Variants in SLC17A5 observed in about 807,000 individuals in gnomAD.
SLC17A5 encodes sialin.
SLC17A5 carries 47 observed loss-of-function variants against 59.4 expected under a neutral mutation model. The ratio of observed to expected loss-of-function variants is 0.79; its 90% confidence interval spans 0.63 to 1.01. The LOEUF is 1.01. Among genes scored for constraint, SLC17A5 ranks in the 50% least tolerant of loss-of-function variants. The probability of loss-of-function intolerance (pLI) is 0.00; values close to 1 mark genes in which losing one functional copy is unlikely to be tolerated. For synonymous variants in SLC17A5, 202 were observed against 210.7 expected, an observed-to-expected ratio of 0.96 and a Z score of 0.36; for missense variants, 522 against 595.5, an observed-to-expected ratio of 0.88 and a Z score of 1.28.
rs1387757106 is a variant in SLC17A5 at position 73,635,388 on chromosome 6, T to C, written c.813A>G (p.Arg271=). ...AATGTGTCAAAGTCCATACCTGATT[T>C]CTTAATGATGAAAGAATGTATTCCT... The part of the protein sequence containing the change: ...YEKEYILSSL[R]NQLSSQKSVP... The change falls in exon 6 of 11, where the codon AGA becomes AGG. Residue 271 remains arginine (R), a synonymous_variant. Transcript: ENST00000355773. The C allele has an allele frequency of 6.5e-7, 1 of 1,538,840 alleles. No homozygotes were observed. Among genetic ancestry groups the C allele is most frequent in the African/African-American group, 1.4e-5 (1 of 73,522 alleles).
intron 3 of SLC17A5, among the ~76,000 whole-genome samples, chr6:73,640,880 C>T (rs990378860): frequency 4.6e-5 from 7 of 151,940 alleles, no homozygotes; most frequent in Non-Finnish European, 7.4e-5. Context: ...AATCATAGAA[C>T]TAAATTGAGA....
chr6:73,635,521 G>A, intron 5 of SLC17A5, 21 bp from the exon 6 acceptor site: 1 of 1,212,730 alleles, frequency 8.2e-7, no homozygotes. Context: ...AAAAATAATA[G>A]TTAGATAAAA....
intron 10 of SLC17A5, among the ~76,000 whole-genome samples, chr6:73,596,281 G>C (rs1766796287): frequency 6.6e-6 from 1 of 152,132 alleles, no homozygotes; most frequent in Non-Finnish European, 1.5e-5. Context: ...AAAGGTGTCA[G>C]GTGGATCAAG....
At chr6:73,648,121 A>G (rs1343612026) in intron 1 of SLC17A5, among the ~76,000 whole-genome samples, 1 of 152,236 alleles carries the variant, frequency 6.6e-6, no homozygotes, top group African/African-American at 2.4e-5. Context: ...GTATATTACT[A>G]TGAGATTCTA....
chr6:73,653,944 C>G lies in SLC17A5; in HGVS notation c.-58G>C. ...GGCAGAGAAGGGAGCGCCGGCCCGA[C>G]AGCCCGAAGCCCCCGGGCCGAGCTG... On this transcript the variant is annotated 5_prime_UTR_variant, in exon 1 of 11. Coordinates refer to ENST00000355773, the MANE Select transcript of SLC17A5 (RefSeq NM_012434.5). 6.9e-7 allele frequency: 1 copy of G among 1,457,252 alleles called. No individual in the cohort carries two copies. The highest frequency in any genetic ancestry group is 2.0e-5 in the Admixed American group (1 of 50,966). 90.3% of individuals were successfully genotyped at this position (1,457,252 alleles called of 1,614,324 possible). A position where few individuals can be genotyped will look rare whatever the true frequency, so the allele number is the denominator to read the frequency against.
intron 6 of SLC17A5, among the ~76,000 whole-genome samples, chr6:73,622,306 T>A (rs1323159841): frequency 6.6e-6 from 1 of 151,782 alleles, no homozygotes; most frequent in African/African-American, 2.4e-5. Context: ...TTCTTTTTTT[T>A]TTTTTTCTTT....
At position 73,594,517 on chromosome 6, in the gene SLC17A5, C is replaced by T. The variant is rs115453489; in HGVS notation, c.*560G>A. 5.7e-3 allele frequency: 954 copies of T among 165,980 alleles called. 7 individuals carry two copies. The highest frequency in any genetic ancestry group is 9.0e-3 in the Non-Finnish European group (688 of 76,224). The allele number at this position is 165,980 out of a possible 1,614,324, so 10.3% of individuals were successfully genotyped here. A position where few individuals can be genotyped will look rare whatever the true frequency, so the allele number is the denominator to read the frequency against. On this transcript the variant is annotated 3_prime_UTR_variant, in exon 11 of 11. Coordinates refer to ENST00000355773, the MANE Select transcript of SLC17A5 (RefSeq NM_012434.5). Reference sequence around the variant, plus strand: ...CACTGGCTCTGGGCTTGGATGCTGCCTCTGATAAACGCTGGGCACTCTGAC... The same window carrying T: ...CACTGGCTCTGGGCTTGGATGCTGCTTCTGATAAACGCTGGGCACTCTGAC...
chr6:73,607,910 G>A (rs542203106), intron 9 of SLC17A5, among the ~76,000 whole-genome samples: 11 of 151,514 alleles, frequency 7.3e-5, no homozygotes, highest in South Asian at 2.1e-4. Context: ...CTGAGAAGCT[G>A]AGACTACAGG....
intron 1 of SLC17A5, chr6:73,653,304 A>G (rs1223519044): frequency 1.0e-6 from 1 of 985,306 alleles, no homozygotes; most frequent in African/African-American, 1.7e-5. Context: ...GCGGAAACCT[A>G]GCGGTGACAG....
chr6:73,645,724 C>G (rs1769512721), intron 1 of SLC17A5, among the ~76,000 whole-genome samples: 1 of 145,558 alleles, frequency 6.9e-6, no homozygotes, highest in Admixed American at 7.1e-5. Context: ...GGAGGCGGAG[C>G]TTGCAGCGAG....
At chr6:73,635,132 T>C (rs932236463) in intron 6 of SLC17A5, 1 of 249,708 alleles carries the variant, frequency 4.0e-6, no homozygotes, top group Non-Finnish European at 7.6e-6. Flanking sequence ...AGAGAAAGGG[T>C]CTCACTATGT....
At chr6:73,643,768 C>T (rs1769411169) in intron 2 of SLC17A5, among the ~76,000 whole-genome samples, 1 of 152,186 alleles carries the variant, frequency 6.6e-6, no homozygotes, top group Non-Finnish European at 1.5e-5. Flanking sequence ...TGAGTCACTG[C>T]ACCCAGCCTG....
rs1308226401 is a variant in SLC17A5 at position 73,641,758 on chromosome 6, G to T, written c.458C>A (p.Thr153Asn). 1 of 1,614,154 alleles carries T rather than the reference G, an allele frequency of 6.2e-7. No homozygotes were observed. Among genetic ancestry groups the T allele is most frequent in the Non-Finnish European group, 8.5e-7 (1 of 1,180,014 alleles). ...AACTCCTAAATCTGCAGCAATGGGA[G>T]TGAACAGGGTGAGGACAGCAGTGCC... The part of the protein sequence containing the change: ...ILGTAVLTLF[T>N]PIAADLGVGP... Residue 153 changes from threonine (T) to asparagine (N), a missense_variant, in exon 3 of 11, where the codon ACT becomes AAT. This residue lies in a region of SLC17A5 where 338 missense variants were observed against 363.8 expected (regional missense o/e 0.93). Coordinates refer to ENST00000355773, the MANE Select transcript of SLC17A5 (RefSeq NM_012434.5).
chr6:73,645,499 A>G lies in SLC17A5; in HGVS notation c.95-896T>C, dbSNP rs1007148936. ...TGAATGTACCACCATGATTAAAAAA[A>G]AAGGATGCCGGGCACAGTGGCTCAC... On this transcript the variant is annotated intron_variant, in intron 1 of 10. Coordinates refer to ENST00000355773, the MANE Select transcript of SLC17A5 (RefSeq NM_012434.5). 18 of 985,192 alleles carry G rather than the reference A, an allele frequency of 1.8e-5. No homozygotes were observed. In the South Asian group the frequency reaches 2.8e-4, roughly 15 times the overall value. 61.0% of individuals were successfully genotyped at this position (985,192 alleles called of 1,614,324 possible).
chr6:73,602,503 G>A (rs1413089572), intron 9 of SLC17A5, among the ~76,000 whole-genome samples: 4 of 152,036 alleles, frequency 2.6e-5, no homozygotes, highest in Non-Finnish European at 4.4e-5. Context: ...GGCTGGGCGC[G>A]GTGGCTCACG....
Position 73,593,600 on chromosome 6 carries a change from T to A in SLC17A5, c.*1477A>T, listed in dbSNP as rs1048933218. ...AACAACCACAGCCACTGGAGGATGG[T>A]CCACTGGAAAAATATGATTTCAGGA... On this transcript the variant is annotated 3_prime_UTR_variant, in exon 11 of 11. Transcript: ENST00000355773. 3.3e-5 allele frequency: 5 copies of A among 152,152 alleles called. No individual in the cohort carries two copies. The highest frequency in any genetic ancestry group is 1.2e-4 in the African/African-American group (5 of 41,440). 9.4% of individuals were successfully genotyped at this position (152,152 alleles called of 1,614,324 possible). A position where few individuals can be genotyped will look rare whatever the true frequency, so the allele number is the denominator to read the frequency against.
chr6:73,639,111 TTTC>T (rs1347375124), intron 3 of SLC17A5, among the ~76,000 whole-genome samples: 5 of 152,164 alleles, frequency 3.3e-5, no homozygotes, highest in Admixed American at 6.5e-5. Context: ...GTTTACAGCC[TTTC>T]TTCTTTTTTT....
intron 9 of SLC17A5, among the ~76,000 whole-genome samples, chr6:73,603,339 C>T (rs1767239106): frequency 6.6e-6 from 1 of 152,096 alleles, no homozygotes; most frequent in African/African-American, 2.4e-5. Context: ...CTGCCTCAGC[C>T]TCCCAAATTG....
At chr6:73,645,281 TTTC>T in intron 1 of SLC17A5, 1 of 982,522 alleles carries the variant, frequency 1.0e-6, no homozygotes. Flanking sequence ...TCTTGATAAA[TTTC>T]TTACCTCGAA....
Sources: gnomAD v4.1 joint callset for allele counts (sites outside exome capture counted in the v4.1 genomes callset) on GRCh38, gnomAD v4.1.1 for gene constraint, gnomAD v4.1.1 regional missense constraint, MANE v1.5 for transcripts, NCBI Gene and HGNC (gene_info 2026-07-23, HGNC 2026-07-21) for gene names.